CHST8: variants seen among roughly 807,000 people sequenced by gnomAD.
CHST8 encodes the protein GALNAC-4-ST1.
Under a neutral mutation model 15.0 loss-of-function variants are expected in CHST8, and 10 were observed. The observed-to-expected ratio is 0.67, with a 90% CI of 0.41 to 1.13. CHST8 has a LOEUF of 1.13. Ranked by LOEUF, CHST8 falls within the 50% of genes most tolerant of loss-of-function variation. The pLI is 0.00. For synonymous variants in CHST8, 259 were observed against 256.6 expected (o/e 1.01, Z -0.09); for missense variants, 634 against 608.2 (o/e 1.04, Z -0.45).
intron 3 of CHST8, among the ~76,000 whole-genome samples, chr19:33,760,506 G>T (rs555599096): frequency 6.5e-4 from 98 of 151,278 alleles, no homozygotes; most frequent in African/African-American, 2.1e-3. Flanking sequence ...TTTTTTTAGA[G>T]ATGGGGTCTC....
chr19:33,659,868 C>T (rs1168483342), intron 1 of CHST8, among the ~76,000 whole-genome samples: 1 of 152,068 alleles, frequency 6.6e-6, no homozygotes, highest in East Asian at 1.9e-4. Context: ...TTATCAAGTC[C>T]CCTTCTTTTG....
chr19:33,757,490 GAA>G (rs1974600261), intron 3 of CHST8, among the ~76,000 whole-genome samples: 4 of 45,796 alleles, frequency 8.7e-5, no homozygotes, highest in Non-Finnish European at 1.3e-4. Flanking sequence ...AAGAAAGAAA[GAA>G]AGAAAGAAAG....
At chr19:33,730,620 C>T (rs1397037001) in intron 3 of CHST8, among the ~76,000 whole-genome samples, 4 of 152,046 alleles carry the variant, frequency 2.6e-5, no homozygotes, top group East Asian at 1.9e-4. Context: ...GAATTCAGGG[C>T]GAATTCATCA....
chr19:33,713,986 A>T (rs1973610041), intron 3 of CHST8, among the ~76,000 whole-genome samples: 1 of 152,166 alleles, frequency 6.6e-6, no homozygotes, highest in South Asian at 2.1e-4. Flanking sequence ...CTGCACCAGG[A>T]GGGGCAGGCG....
chr19:33,743,725 C>CT (rs1326060827), intron 3 of CHST8, among the ~76,000 whole-genome samples: 1 of 152,158 alleles, frequency 6.6e-6, no homozygotes, highest in Non-Finnish European at 1.5e-5. Context: ...GTCAGATCCT[C>CT]TAACCCAAGA....
intron 3 of CHST8, among the ~76,000 whole-genome samples, chr19:33,726,553 A>G (rs1012415955): frequency 2.6e-5 from 4 of 151,970 alleles, no homozygotes; most frequent in Non-Finnish European, 5.9e-5. Context: ...TAATAATAAT[A>G]ATAAAAGTGT....
At chr19:33,674,514 C>T (rs1012194640) in intron 2 of CHST8, among the ~76,000 whole-genome samples, 1 of 152,202 alleles carries the variant, frequency 6.6e-6, no homozygotes, top group South Asian at 2.1e-4. Flanking sequence ...TCTCCTCAGC[C>T]CCACGTTTGA....
intron 3 of CHST8, among the ~76,000 whole-genome samples, chr19:33,707,057 A>G (rs1277196113): frequency 6.6e-6 from 1 of 152,172 alleles, no homozygotes; most frequent in Non-Finnish European, 1.5e-5. Flanking sequence ...ACTCCTCCCA[A>G]GCAGGTATTT....
At chr19:33,750,056 G>A (rs1359645691) in intron 3 of CHST8, among the ~76,000 whole-genome samples, 1 of 152,206 alleles carries the variant, frequency 6.6e-6, no homozygotes, top group Non-Finnish European at 1.5e-5. Context: ...CCCTGAGACG[G>A]GCCAGAGGCT....
At chr19:33,732,500 G>A (rs896072342) in intron 3 of CHST8, among the ~76,000 whole-genome samples, 2 of 151,726 alleles carry the variant, frequency 1.3e-5, no homozygotes, top group African/African-American at 4.8e-5. Flanking sequence ...TAGCCAGCTG[G>A]CCAGCAGTGT....
chr19:33,714,407 A>C (rs1228034218), intron 3 of CHST8, among the ~76,000 whole-genome samples: 1 of 152,234 alleles, frequency 6.6e-6, no homozygotes, highest in African/African-American at 2.4e-5. Context: ...AGAAACAGTC[A>C]AATACCACAT....
chr19:33,705,622 G>T (rs918007973), intron 3 of CHST8, among the ~76,000 whole-genome samples: 2 of 152,206 alleles, frequency 1.3e-5, no homozygotes, highest in African/African-American at 2.4e-5. Flanking sequence ...GTGGGTGCCC[G>T]TGGGTGTAAA....
intron 1 of CHST8, among the ~76,000 whole-genome samples, chr19:33,658,469 A>T (rs926356376): frequency 6.6e-6 from 1 of 152,218 alleles, no homozygotes; most frequent in Admixed American, 6.5e-5. Flanking sequence ...ATCCTTTAAA[A>T]TTCAATTTCA....
intron 1 of CHST8, among the ~76,000 whole-genome samples, chr19:33,634,658 T>C (rs1972167719): frequency 1.4e-5 from 2 of 147,366 alleles, no homozygotes; most frequent in East Asian, 4.1e-4. Context: ...GCTGTTTTTT[T>C]TTTTTCTTGT....
At chr19:33,676,271 T>C (rs1007185318) in intron 2 of CHST8, among the ~76,000 whole-genome samples, 5 of 152,188 alleles carry the variant, frequency 3.3e-5, no homozygotes, top group African/African-American at 1.2e-4. Context: ...AGATGTGTCA[T>C]TTAAAAAATA....
intron 3 of CHST8, among the ~76,000 whole-genome samples, chr19:33,762,416 C>T (rs1020062265): frequency 1.3e-5 from 2 of 152,234 alleles, no homozygotes; most frequent in Admixed American, 1.3e-4. Flanking sequence ...GAATTCACGA[C>T]CAAGGCTGAG....
intron 1 of CHST8, among the ~76,000 whole-genome samples, chr19:33,649,940 T>A (rs530935657): frequency 2.0e-5 from 3 of 152,208 alleles, no homozygotes; most frequent in Admixed American, 6.5e-5. Context: ...AAGAAACTCC[T>A]GTGGCAGTTA....
At chr19:33,639,428 C>G (rs1972248634) in intron 1 of CHST8, among the ~76,000 whole-genome samples, 2 of 152,142 alleles carry the variant, frequency 1.3e-5, no homozygotes, top group Non-Finnish European at 2.9e-5. Flanking sequence ...GGAGGAGCCT[C>G]TCAGCATCGG....
chr19:33,760,802 C>A (rs1045025422), intron 3 of CHST8, among the ~76,000 whole-genome samples: 1 of 152,146 alleles, frequency 6.6e-6, no homozygotes, highest in African/African-American at 2.4e-5. Context: ...GTCAACTGTC[C>A]CACATTGCCT....
Sources: allele counts gnomAD v4.1 joint callset (sites outside exome capture counted in the v4.1 genomes callset), GRCh38; gene constraint gnomAD v4.1.1; transcripts MANE v1.5; gene names NCBI Gene and HGNC (gene_info 2026-07-23, HGNC 2026-07-21).